ARHGAP15: variants seen among roughly 807,000 people sequenced by gnomAD.
ARHGAP15 encodes Rho GTPase activating protein 15, also known as rho GTPase-activating protein 15.
A neutral mutation model predicts 63.7 loss-of-function variants in ARHGAP15; 51 were observed. That is an observed-to-expected ratio of 0.80 (90% CI 0.64 to 1.01). ARHGAP15 has a LOEUF of 1.01. Ranked by LOEUF, ARHGAP15 falls within the 50% of genes least tolerant of loss-of-function variation. The pLI is 0.00. For synonymous variants in ARHGAP15, 191 were observed against 193.8 expected, an observed-to-expected ratio of 0.99 and a Z score of 0.12; for missense variants, 560 against 564.6, an observed-to-expected ratio of 0.99 and a Z score of 0.08.
intron 4 of ARHGAP15, 101 bp from the exon 5 acceptor site, chr2:143,228,480 A>G (rs1693306717): frequency 1.5e-5 from 9 of 615,704 alleles, no homozygotes; most frequent in Non-Finnish European, 1.6e-5. Context: ...TGTTAAAAAT[A>G]AAGATGGTCT....
At chr2:143,397,595 C>A (rs1687826514) in intron 6 of ARHGAP15, among the ~76,000 whole-genome samples, 1 of 151,864 alleles carries the variant, frequency 6.6e-6, no homozygotes, top group South Asian at 2.1e-4. Context: ...ATAACCCTAG[C>A]ATTTTTACTT....
At chr2:143,151,343 A>G (rs1486419813) in intron 1 of ARHGAP15, among the ~76,000 whole-genome samples, 1 of 151,994 alleles carries the variant, frequency 6.6e-6, no homozygotes, top group African/African-American at 2.4e-5. Flanking sequence ...TCCAGAATGC[A>G]ATGTTAATGT....
chr2:143,511,525 T>A (rs2104960848), intron 9 of ARHGAP15, among the ~76,000 whole-genome samples: 1 of 152,268 alleles, frequency 6.6e-6, no homozygotes, highest in Non-Finnish European at 1.5e-5. Flanking sequence ...CAGATGGGAA[T>A]ATAGGTGGGA....
chr2:143,266,778 A>T (rs764994074), intron 6 of ARHGAP15, among the ~76,000 whole-genome samples: 3 of 152,170 alleles, frequency 2.0e-5, no homozygotes, highest in Admixed American at 1.3e-4. Context: ...ATAAAAGATA[A>T]ATAAAAATAA....
chr2:143,365,908 G>A (rs938735760), intron 6 of ARHGAP15, among the ~76,000 whole-genome samples: 2 of 152,056 alleles, frequency 1.3e-5, no homozygotes, highest in African/African-American at 4.8e-5. Flanking sequence ...GCACCTCCTT[G>A]TTTTGGGTTT....
chr2:143,574,225 G>A (rs1696576783), intron 11 of ARHGAP15, among the ~76,000 whole-genome samples: 1 of 152,068 alleles, frequency 6.6e-6, no homozygotes, highest in South Asian at 2.1e-4. Context: ...TAATCAGTGT[G>A]GTTTGCAAAA....
intron 6 of ARHGAP15, among the ~76,000 whole-genome samples, chr2:143,286,773 C>A (rs768442186): frequency 6.6e-6 from 1 of 152,116 alleles, no homozygotes; most frequent in Non-Finnish European, 1.5e-5. Context: ...CTAAGGAATG[C>A]ATAATTAGGC....
At chr2:143,211,763 A>G (rs1283066970) in intron 3 of ARHGAP15, among the ~76,000 whole-genome samples, 2 of 152,142 alleles carry the variant, frequency 1.3e-5, no homozygotes, top group African/African-American at 4.8e-5. Flanking sequence ...ACTGAGATGA[A>G]GATCCCTTGA....
Position 143,215,668 on chromosome 2 carries a change from CA to C in ARHGAP15, c.235-715del, listed in dbSNP as rs1336889399. Among the ~76,000 whole-genome samples, 4 of 152,276 alleles carry C rather than the reference CA, an allele frequency of 2.6e-5. No individual in the cohort carries two copies. In the East Asian group the frequency reaches 7.7e-4, roughly 29 times the overall value. On this transcript the variant is annotated intron_variant, in intron 3 of 13. Transcript: ENST00000295095. ...TGCTAAGAAATTAAAACACCTAGTA[CA>C]GACTTTGCAGGGAGTCAACCCATCA...
intron 11 of ARHGAP15, among the ~76,000 whole-genome samples, chr2:143,598,161 C>T (rs368571287): frequency 6.6e-6 from 1 of 152,252 alleles, no homozygotes; most frequent in East Asian, 1.9e-4. Flanking sequence ...GAATAAGCTA[C>T]ATTATCCCAG....
intron 6 of ARHGAP15, among the ~76,000 whole-genome samples, chr2:143,282,481 G>A (rs1321542947): frequency 1.3e-5 from 2 of 152,090 alleles, no homozygotes; most frequent in African/African-American, 4.8e-5. Flanking sequence ...GGGAGAACTT[G>A]TGTCAGGGAA....
At chr2:143,353,141 G>C (rs1685648001) in intron 6 of ARHGAP15, among the ~76,000 whole-genome samples, 1 of 152,004 alleles carries the variant, frequency 6.6e-6, no homozygotes, top group African/African-American at 2.4e-5. Flanking sequence ...AGAAATGATT[G>C]ACAAGCTGGG....
chr2:143,175,099 T>C (rs1005034005), intron 2 of ARHGAP15, among the ~76,000 whole-genome samples: 3 of 152,078 alleles, frequency 2.0e-5, no homozygotes, highest in Non-Finnish European at 4.4e-5. Flanking sequence ...GGACTATGCA[T>C]ACATAGAAAG....
At chr2:143,320,411 C>CGCCCCCCCCCCCCG (rs1304524508) in intron 6 of ARHGAP15, among the ~76,000 whole-genome samples, 10 of 40,730 alleles carry the variant, frequency 2.5e-4, no homozygotes, top group African/African-American at 6.1e-4. Flanking sequence ...CTTCCCCACC[C>CGCCCCCCCCCCCCG]CCCCCCCCCC....
At chr2:143,540,792 C>T (rs1187336981) in intron 10 of ARHGAP15, among the ~76,000 whole-genome samples, 2 of 152,186 alleles carry the variant, frequency 1.3e-5, no homozygotes, top group Non-Finnish European at 2.9e-5. Context: ...TGACCTTTCT[C>T]TCTGGCTGCC....
intron 6 of ARHGAP15, among the ~76,000 whole-genome samples, chr2:143,397,872 A>G (rs1687838297): frequency 6.6e-6 from 1 of 152,154 alleles, no homozygotes; most frequent in Non-Finnish European, 1.5e-5. Flanking sequence ...AGATAGATTC[A>G]TATCTTCAAT....
chr2:143,364,788 G>A (rs1395495677), intron 6 of ARHGAP15, among the ~76,000 whole-genome samples: 2 of 152,174 alleles, frequency 1.3e-5, no homozygotes, highest in African/African-American at 2.4e-5. Flanking sequence ...AGCACTTTGG[G>A]AGGCCAAGGC....
intron 2 of ARHGAP15, among the ~76,000 whole-genome samples, chr2:143,182,572 C>A (rs1332725879): frequency 6.6e-6 from 1 of 152,102 alleles, no homozygotes; most frequent in African/African-American, 2.4e-5. Flanking sequence ...GCTCCATGAA[C>A]TTTGTAGGGG....
rs552087186 is a variant in ARHGAP15, at chr2:143,746,738, A to T, written c.1245-21251A>T. Reference sequence around the variant, plus strand: ...AATAACTTAGCGATAAAAATAAAACATATCAACAACAATGTAATACAATCT... The same window carrying T: ...AATAACTTAGCGATAAAAATAAAACTTATCAACAACAATGTAATACAATCT... On this transcript the variant is annotated intron_variant, in intron 13 of 13. Transcript: ENST00000295095. 7.9e-5 allele frequency among the ~76,000 whole-genome samples: 12 copies of T among 152,354 alleles called. No homozygotes were observed. The South Asian group carries it at 2.5e-3, about 32-fold the overall frequency.
Sources: gnomAD v4.1 joint callset for allele counts (sites outside exome capture counted in the v4.1 genomes callset) on GRCh38, gnomAD v4.1.1 for gene constraint, MANE v1.5 for transcripts, NCBI Gene and HGNC (gene_info 2026-07-23, HGNC 2026-07-21) for gene names.